CARD8: variants seen among roughly 807,000 people sequenced by gnomAD.
CARD8 encodes the protein caspase recruitment domain-containing protein 8.
Under a neutral mutation model 53.2 loss-of-function variants are expected in CARD8, and 38 were observed. The ratio of observed to expected loss-of-function variants is 0.71; its 90% CI spans 0.55 to 0.94. The LOEUF is 0.94. CARD8 is among the 40% of genes least tolerant of loss of function. The pLI is 0.00. For synonymous variants in CARD8, 245 were observed against 244.9 expected (o/e 1.00, Z 0.00); for missense variants, 561 against 655.5 (o/e 0.86, Z 1.57).
chr19:48,218,267 G>A (rs1308307818), intron 12 of CARD8, among the ~76,000 whole-genome samples: 1 of 151,548 alleles, frequency 6.6e-6, no homozygotes, highest in African/African-American at 2.4e-5. Context: ...TGTTACAAAG[G>A]TAAACATGTG....
intron 5 of CARD8, among the ~76,000 whole-genome samples, chr19:48,237,439 TC>T: frequency 6.6e-6 from 1 of 152,046 alleles, no homozygotes; most frequent in African/African-American, 2.4e-5. Flanking sequence ...CCTCCAACAC[TC>T]CATCACATTT....
chr19:48,228,004 A>C (rs1450471554), intron 10 of CARD8, among the ~76,000 whole-genome samples: 1 of 152,002 alleles, frequency 6.6e-6, no homozygotes, highest in Non-Finnish European at 1.5e-5. Flanking sequence ...ACTCCCCATC[A>C]CTCACATTAC....
rs1429780306 is a variant in CARD8, at chr19:48,234,447, GAAC to G, written c.303_305del (p.Leu101del). 6.2e-7 allele frequency: 1 copy of G among 1,613,854 alleles called. No homozygotes were observed. Among genetic ancestry groups the G allele is most frequent in the Admixed American group, 1.7e-5 (1 of 59,992 alleles). On this transcript the variant is annotated inframe_deletion, in exon 6 of 14. Transcript: ENST00000651546. ...ATAGTTGACACTCAGGAACAGCACG[GAAC>G]AATAATGGCTCTGCCTCTGTCTCAT...
chr19:48,241,312 ATGGCGAGATCT>A (rs1179843396), intron 3 of CARD8, among the ~76,000 whole-genome samples: 3 of 152,038 alleles, frequency 2.0e-5, no homozygotes, highest in Non-Finnish European at 2.9e-5. Flanking sequence ...CTGGAGTGCA[ATGGCGAGATCT>A]TGACTCACAG....
downstream of CARD8, chr19:48,204,288 T>C (rs1315859378): frequency 4.6e-6 from 2 of 432,848 alleles, no homozygotes; most frequent in Admixed American, 2.4e-5. Flanking sequence ...CGGGAGAAAT[T>C]AGACTAACAG....
At chr19:48,213,788 T>TC (rs2038574412) in intron 13 of CARD8, among the ~76,000 whole-genome samples, 1 of 152,188 alleles carries the variant, frequency 6.6e-6, no homozygotes, top group African/African-American at 2.4e-5. Context: ...GCCCCACCGT[T>TC]CCCCACTTCC....
intron 1 of CARD8, among the ~76,000 whole-genome samples, chr19:48,251,621 G>C (rs192048893): frequency 1.3e-5 from 2 of 152,192 alleles, no homozygotes; most frequent in East Asian, 1.9e-4. Flanking sequence ...TTATATTTCT[G>C]TTAAATTGCA....
chr19:48,214,914 G>A (rs774935946), intron 13 of CARD8, among the ~76,000 whole-genome samples: 1 of 149,864 alleles, frequency 6.7e-6, no homozygotes, highest in Non-Finnish European at 1.5e-5. Context: ...TCAGCCTCCC[G>A]AGTAGCTGGG....
intron 3 of CARD8, among the ~76,000 whole-genome samples, chr19:48,246,627 A>AAC (rs5828343): frequency 6.6e-6 from 1 of 152,078 alleles, no homozygotes; most frequent in Admixed American, 6.6e-5. Context: ...ATAAAAAAAA[A>AAC]CATTGCTCTA....
chr19:48,235,481 TC>T (rs2146411609), intron 5 of CARD8, among the ~76,000 whole-genome samples: 1 of 152,124 alleles, frequency 6.6e-6, no homozygotes, highest in East Asian at 1.9e-4. Flanking sequence ...TGGTGAGGCC[TC>T]CCCAGCCACG....
At chr19:48,226,716 C>G (rs553326716) in intron 10 of CARD8, among the ~76,000 whole-genome samples, 1 of 152,230 alleles carries the variant, frequency 6.6e-6, no homozygotes, top group East Asian at 1.9e-4. Context: ...GCAAAAATGG[C>G]AGTGGATGGC....
At chr19:48,234,595 G>A (rs944149580) in intron 5 of CARD8, 52 bp from the exon 6 acceptor site, 21 of 1,513,262 alleles carry the variant, frequency 1.4e-5, no homozygotes, top group Admixed American at 1.3e-4. Flanking sequence ...GGTGCCTGAT[G>A]ATAGCATAGG....
chr19:48,214,769 CTTTTTTTTTTT>C lies in CARD8; in HGVS notation c.1348+560_1348+570del, dbSNP rs531199248. On this transcript the variant is annotated intron_variant, in intron 13 of 13. Coordinates refer to ENST00000651546, the MANE Select transcript of CARD8 (RefSeq NM_001184900.3). The stretch of plus-strand genomic sequence containing the variant: ...CCTTCCTTTCATTCCTGCTATAAAG[CTTTTTTTTTTT>C]TTTTTTTTTTTTTTTTTTTTTTTGT... 6.7e-3 allele frequency among the ~76,000 whole-genome samples: 601 copies of C among 89,572 alleles called. 38 individuals are homozygous for C. Among genetic ancestry groups the C allele is most frequent in the African/African-American group, 0.027 (558 of 20,588 alleles). 58.8% of individuals were successfully genotyped at this position (89,572 alleles called of 152,430 possible). A position where few individuals can be genotyped will look rare whatever the true frequency, so the allele number is the denominator to read the frequency against.
rs368459765 is a variant in CARD8 at position 48,241,412 on chromosome 19, T to C, written c.-43-349A>G. Among the ~76,000 whole-genome samples the C allele has an allele frequency of 1.4e-4, 21 of 152,280 alleles. 1 individual carries two copies. Among genetic ancestry groups the C allele is most frequent in the East Asian group, 9.6e-4 (5 of 5,190 alleles). On this transcript the variant is annotated intron_variant, in intron 3 of 13. Coordinates refer to ENST00000651546, the MANE Select transcript of CARD8 (RefSeq NM_001184900.3). ...CTGGGATTACAGGCATGCGCCACCATACCCGGCTAATTTTTCTATTTTTAG... is the reference window on the plus strand; with the variant it reads ...CTGGGATTACAGGCATGCGCCACCACACCCGGCTAATTTTTCTATTTTTAG...
chr19:48,242,116 A>G (rs905050786), intron 3 of CARD8, among the ~76,000 whole-genome samples: 31 of 152,174 alleles, frequency 2.0e-4, no homozygotes, highest in Admixed American at 5.2e-4. Context: ...TCCACCCTCA[A>G]GTTCATGTGT....
rs1294112151 is a variant in CARD8, at chr19:48,209,982, A to G, written c.*1728T>C. 1 of 152,204 alleles carries G rather than the reference A, an allele frequency of 6.6e-6. No individual in the cohort carries two copies. The allele number at this position is 152,204 out of a possible 1,614,324, so 9.4% of individuals were successfully genotyped here. A position where few individuals can be genotyped will look rare whatever the true frequency, so the allele number is the denominator to read the frequency against. ...AGTATTTTTAGAAATTAGGCTGAAA[A>G]CCTCTAAGTTTGGTAAAAGACATAA... On this transcript the variant is annotated 3_prime_UTR_variant, in exon 14 of 14. Transcript: ENST00000651546.
chr19:48,231,896 T>G, intron 7 of CARD8, 86 bp from the exon 8 acceptor site: 2 of 1,182,236 alleles, frequency 1.7e-6, no homozygotes, highest in Non-Finnish European at 1.3e-6. Context: ...ATTGCACAGG[T>G]GCTGTTGGGA....
intron 1 of CARD8, among the ~76,000 whole-genome samples, chr19:48,254,702 C>G (rs2047362921): frequency 6.6e-6 from 1 of 152,070 alleles, no homozygotes; most frequent in Non-Finnish European, 1.5e-5. Flanking sequence ...AAGGGGAAAT[C>G]TGAAAGTTGT....
chr19:48,230,126 A>G (rs901436912), intron 10 of CARD8, among the ~76,000 whole-genome samples: 1 of 152,058 alleles, frequency 6.6e-6, no homozygotes, highest in African/African-American at 2.4e-5. Flanking sequence ...AAAAAGAAAA[A>G]AACAACCTGG....
Sources: allele counts gnomAD v4.1 joint callset (sites outside exome capture counted in the v4.1 genomes callset), GRCh38; gene constraint gnomAD v4.1.1; transcripts MANE v1.5; gene names NCBI Gene and HGNC (gene_info 2026-07-23, HGNC 2026-07-21).